Variants in ASCC3 observed in about 807,000 individuals in gnomAD.
ASCC3 encodes the protein ASC-1 complex subunit P200.
In ASCC3, 158 loss-of-function variants were observed where a neutral mutation model predicts 256.3. That is an observed-to-expected ratio of 0.62 (90% CI 0.54 to 0.70). The LOEUF (loss-of-function observed/expected upper bound fraction) is 0.70, where lower values mean the gene tolerates loss of function less well. Ranked by LOEUF, ASCC3 falls within the 30% of genes least tolerant of loss-of-function variation. The pLI is 0.00. For synonymous variants in ASCC3, 948 were observed against 883.4 expected (o/e 1.07, Z -1.30); for missense variants, 2,259 against 2,626.0 (o/e 0.86, Z 3.05).
intron 4 of ASCC3, among the ~76,000 whole-genome samples, chr6:100,843,131 T>C (rs1463456586): frequency 2.0e-5 from 3 of 152,152 alleles, no homozygotes; most frequent in Non-Finnish European, 2.9e-5. Context: ...TTTTTAAAAG[T>C]GCAAAAGAGT....
intron 25 of ASCC3, among the ~76,000 whole-genome samples, chr6:100,634,864 C>CAAAAAAAAAAAA (rs199632200): frequency 4.0e-4 from 48 of 118,720 alleles, no homozygotes; most frequent in South Asian, 1.2e-3. Flanking sequence ...CCTCAAAAAA[C>CAAAAAAAAAAAA]AAAAAAAAAA....
rs1336246 is a variant in ASCC3 at position 100,744,584 on chromosome 6, T to C, written c.1738-18881A>G. 0.013 allele frequency among the ~76,000 whole-genome samples: 1,948 copies of C among 152,314 alleles called. 99 individuals are homozygous for C. The East Asian group carries it at 0.15, about 12-fold the overall frequency. On this transcript the variant is annotated intron_variant, in intron 10 of 41. Coordinates refer to ENST00000369162, the MANE Select transcript of ASCC3 (RefSeq NM_006828.4). ...TGAATGTGTTAAAATCCTGGAGTTG[T>C]ACAGGGTCATTTTGCAGTCTTCGAT...
chr6:100,751,916 T>C (rs947869666), intron 10 of ASCC3, among the ~76,000 whole-genome samples: 18 of 152,134 alleles, frequency 1.2e-4, no homozygotes, highest in African/African-American at 4.1e-4. Flanking sequence ...TACAGGTCTA[T>C]AGATTCCTAA....
intron 10 of ASCC3, among the ~76,000 whole-genome samples, chr6:100,743,403 A>G (rs976641874): frequency 3.9e-5 from 6 of 152,008 alleles, no homozygotes; most frequent in African/African-American, 1.5e-4. Context: ...CCATAAGCTG[A>G]TTCTTGACTC....
chr6:100,738,804 T>C (rs1360470569), intron 10 of ASCC3, among the ~76,000 whole-genome samples: 8 of 152,218 alleles, frequency 5.3e-5, no homozygotes, highest in Non-Finnish European at 7.3e-5. Context: ...TCCTGAGATA[T>C]TGCTAAAGTT....
At chr6:100,580,124 G>A (rs993833222) in intron 36 of ASCC3, among the ~76,000 whole-genome samples, 20 of 152,006 alleles carry the variant, frequency 1.3e-4, no homozygotes, top group African/African-American at 3.4e-4. Flanking sequence ...TTGGCTCTCA[G>A]CTTGAATGTT....
intron 4 of ASCC3, among the ~76,000 whole-genome samples, chr6:100,820,730 G>A (rs1770999366): frequency 6.6e-6 from 1 of 151,528 alleles, no homozygotes; most frequent in South Asian, 2.1e-4. Flanking sequence ...AAAAAATCAT[G>A]TATCTATCTG....
chr6:100,522,070 C>T (rs1048233808), intron 37 of ASCC3, among the ~76,000 whole-genome samples: 9 of 152,082 alleles, frequency 5.9e-5, no homozygotes, highest in Non-Finnish European at 1.0e-4. Context: ...ATAAATTATC[C>T]TTGACATTCA....
At chr6:100,599,095 G>A (rs1157337339) in intron 34 of ASCC3, among the ~76,000 whole-genome samples, 4 of 152,122 alleles carry the variant, frequency 2.6e-5, no homozygotes, top group African/African-American at 7.2e-5. Context: ...AAGTCCATGT[G>A]GCAACATTCA....
chr6:100,821,786 T>C (rs1489827091), intron 4 of ASCC3, among the ~76,000 whole-genome samples: 1 of 151,816 alleles, frequency 6.6e-6, no homozygotes, highest in Non-Finnish European at 1.5e-5. Flanking sequence ...ATTGTGCCAC[T>C]GTACCCCAGC....
In ASCC3 at chr6:100,722,403, T is replaced by C. The variant is rs187031074; in HGVS notation, c.1902+3136A>G. On this transcript the variant is annotated intron_variant, in intron 11 of 41. Coordinates refer to ENST00000369162, the MANE Select transcript of ASCC3 (RefSeq NM_006828.4). Reference sequence around the variant, plus strand: ...ATCCAAACTTCAGCATCATGCAATATACCCATGTAACAAACTTGCACATGT... The same window carrying C: ...ATCCAAACTTCAGCATCATGCAATACACCCATGTAACAAACTTGCACATGT... Among the ~76,000 whole-genome samples the C allele has an allele frequency of 2.3e-3, 344 of 151,874 alleles. 2 individuals carry two copies. Among genetic ancestry groups the C allele is most frequent in the Middle Eastern group, 6.8e-3 (2 of 294 alleles).
intron 4 of ASCC3, among the ~76,000 whole-genome samples, chr6:100,828,036 GT>G (rs1170613332): frequency 7.8e-6 from 1 of 127,734 alleles, no homozygotes; most frequent in Non-Finnish European, 1.6e-5. Flanking sequence ...TAAGAAAAAT[GT>G]TTTTGTCAAA....
chr6:100,545,795 T>C (rs981123270), intron 36 of ASCC3, among the ~76,000 whole-genome samples: 1 of 152,132 alleles, frequency 6.6e-6, no homozygotes, highest in African/African-American at 2.4e-5. Flanking sequence ...TTGCGGAGAC[T>C]GATCTCAAAC....
intron 30 of ASCC3, among the ~76,000 whole-genome samples, chr6:100,614,286 T>C (rs1023375821): frequency 8.5e-5 from 13 of 152,184 alleles, no homozygotes; most frequent in Non-Finnish European, 1.5e-4. Flanking sequence ...GTAATTATGA[T>C]ATTAACATGA....
intron 10 of ASCC3, among the ~76,000 whole-genome samples, chr6:100,758,367 C>T (rs1182997955): frequency 6.6e-6 from 1 of 152,166 alleles, no homozygotes; most frequent in Non-Finnish European, 1.5e-5. Flanking sequence ...GTTCCCTCCC[C>T]TCACCCCCCA....
chr6:100,584,949 G>A (rs1314215890), intron 36 of ASCC3, among the ~76,000 whole-genome samples: 8 of 152,286 alleles, frequency 5.3e-5, no homozygotes, highest in East Asian at 3.9e-4. Context: ...CGAGAGATCC[G>A]CTGTTAGTCT....
At chr6:100,876,444 T>C (rs1392237839) in intron 1 of ASCC3, among the ~76,000 whole-genome samples, 1 of 152,160 alleles carries the variant, frequency 6.6e-6, no homozygotes, top group Non-Finnish European at 1.5e-5. Context: ...GGAACAAAGG[T>C]TGGTGTGAAC....
intron 4 of ASCC3, 67 bp from the exon 5 acceptor site, chr6:100,805,947 C>T: frequency 2.7e-6 from 4 of 1,481,720 alleles, no homozygotes; most frequent in Non-Finnish European, 3.7e-6. Flanking sequence ...AAGTTATTAA[C>T]AACCTATTCA....
intron 13 of ASCC3, among the ~76,000 whole-genome samples, chr6:100,693,306 G>T (rs975352284): frequency 2.6e-5 from 4 of 151,866 alleles, no homozygotes; most frequent in Non-Finnish European, 5.9e-5. Context: ...AGTATGAATT[G>T]TGAGAATCTC....
Sources: allele counts gnomAD v4.1 joint callset (sites outside exome capture counted in the v4.1 genomes callset), GRCh38; gene constraint gnomAD v4.1.1; transcripts MANE v1.5; gene names NCBI Gene and HGNC (gene_info 2026-07-23, HGNC 2026-07-21).